The following SMURF2 variants were observed in gnomAD, a reference collection of about 807,000 sequenced individuals.
SMURF2 encodes the protein E3 ubiquitin-protein ligase SMURF2.
In SMURF2, 48 loss-of-function variants were observed where a neutral mutation model predicts 109.6. That is an observed-to-expected ratio of 0.44 (90% CI 0.35 to 0.56). The LOEUF (loss-of-function observed/expected upper bound fraction) is 0.56, where lower values mean the gene tolerates loss of function less well. SMURF2 is among the 20% of genes least tolerant of loss of function. SMURF2 has a pLI of 0.01. For synonymous variants in SMURF2, 288 were observed against 317.1 expected, an observed-to-expected ratio of 0.91 and a Z score of 0.97; for missense variants, 575 against 909.0, an observed-to-expected ratio of 0.63 and a Z score of 4.72.
Position 64,578,644 on chromosome 17 carries a change from C to T in SMURF2, c.773-68G>A, listed in dbSNP as rs1045742184. ...TCCAGATCAAAGACAGTTATATACA[C>T]TAAGATGATATACTAATAGGGAAAA... is the stretch of plus-strand genomic sequence containing the variant. On this transcript the variant is annotated intron_variant, in intron 8 of 18. Transcript: ENST00000262435. 56 of 989,748 alleles carry T rather than the reference C, an allele frequency of 5.7e-5. No individual in the cohort carries two copies. The Admixed American group carries it at 8.7e-4, about 15-fold the overall frequency. The allele number at this position is 989,748 out of a possible 1,614,324, so 61.3% of individuals were successfully genotyped here.
chr17:64,653,704 T>C (rs996102230), intron 1 of SMURF2, among the ~76,000 whole-genome samples: 12 of 152,102 alleles, frequency 7.9e-5, no homozygotes, highest in Admixed American at 5.2e-4. Context: ...CAGCAGATTT[T>C]TAAAAAGTTA....
rs574702500 is a variant in SMURF2 at position 64,657,718 on chromosome 17, CA to C, written c.52+4110del. 4.8e-3 allele frequency among the ~76,000 whole-genome samples: 594 copies of C among 123,120 alleles called. 1 individual carries two copies. Among genetic ancestry groups the C allele is most frequent in the Non-Finnish European group, 3.2e-3 (184 of 57,856 alleles). The allele number at this position is 123,120 out of a possible 152,430, so 80.8% of individuals were successfully genotyped here. A position where few individuals can be genotyped will look rare whatever the true frequency, so the allele number is the denominator to read the frequency against. ...TGGGCAACAGAATGAGATTCTGCCTCAAAAAAAAAAAAGGCTAAAATAAAAA... is the reference window on the plus strand; with the variant it reads ...TGGGCAACAGAATGAGATTCTGCCTCAAAAAAAAAAAGGCTAAAATAAAAA... On this transcript the variant is annotated intron_variant, in intron 1 of 18. Coordinates refer to ENST00000262435, the MANE Select transcript of SMURF2 (RefSeq NM_022739.4).
At chr17:64,638,541 G>C (rs1335353013) in intron 1 of SMURF2, among the ~76,000 whole-genome samples, 2 of 152,192 alleles carry the variant, frequency 1.3e-5, no homozygotes, top group Non-Finnish European at 2.9e-5. Flanking sequence ...TTTTAGCACA[G>C]GAACATCATC....
At chr17:64,620,359 C>T (rs1260780114) in intron 1 of SMURF2, among the ~76,000 whole-genome samples, 1 of 152,204 alleles carries the variant, frequency 6.6e-6, no homozygotes, top group Non-Finnish European at 1.5e-5. Context: ...CTAACTGCCA[C>T]CTAGGAAAAG....
intron 1 of SMURF2, among the ~76,000 whole-genome samples, chr17:64,633,818 T>G (rs539893048): frequency 6.7e-6 from 1 of 150,018 alleles, no homozygotes; most frequent in African/African-American, 2.4e-5. Flanking sequence ...AAAAAAATGT[T>G]GTGAAGAGTT....
At chr17:64,593,603 T>C in intron 3 of SMURF2, 30 bp from the exon 4 acceptor site, 1 of 1,480,804 alleles carries the variant, frequency 6.8e-7, no homozygotes, top group Non-Finnish European at 9.0e-7. Context: ...CATGAGTAAC[T>C]TGGTAGTTAC....
At chr17:64,625,786 G>T (rs782744546) in intron 1 of SMURF2, among the ~76,000 whole-genome samples, 2 of 152,196 alleles carry the variant, frequency 1.3e-5, no homozygotes, top group Non-Finnish European at 2.9e-5. Context: ...CTCAGCACCA[G>T]ACTTTGAAAA....
At chr17:64,566,561 G>GTTGTTTTTTTTTTTTTT (rs1969305807) in intron 10 of SMURF2, among the ~76,000 whole-genome samples, 1 of 43,784 alleles carries the variant, frequency 2.3e-5, no homozygotes, top group African/African-American at 7.5e-5. Context: ...AAGCTTTCTG[G>GTTGTTTTTTTTTTTTTT]TTTTTTTTTT....
intron 1 of SMURF2, among the ~76,000 whole-genome samples, chr17:64,607,449 C>T (rs1247194008): frequency 6.7e-6 from 1 of 150,354 alleles, no homozygotes; most frequent in Non-Finnish European, 1.5e-5. Flanking sequence ...AATATGGTGA[C>T]ACCCCGTCTC....
At chr17:64,552,767 G>A (rs113715591) in intron 15 of SMURF2, among the ~76,000 whole-genome samples, 6 of 152,176 alleles carry the variant, frequency 3.9e-5, no homozygotes, top group African/African-American at 1.4e-4. Flanking sequence ...ACAGTGGTGC[G>A]ATCTCAGCTC....
chr17:64,622,110 T>C (rs1970214346), intron 1 of SMURF2, among the ~76,000 whole-genome samples: 1 of 143,970 alleles, frequency 6.9e-6, no homozygotes, highest in Non-Finnish European at 1.6e-5. Flanking sequence ...AAAATAAAAA[T>C]AAAAAGCAGT....
At chr17:64,561,474 T>C in intron 12 of SMURF2, 26 bp downstream of exon 12, 1 of 1,485,810 alleles carries the variant, frequency 6.7e-7, no homozygotes, top group Non-Finnish European at 9.4e-7. Flanking sequence ...GATCCATATG[T>C]CATAAGCTGG....
intron 1 of SMURF2, among the ~76,000 whole-genome samples, chr17:64,639,570 C>T (rs1555692415): frequency 6.6e-6 from 1 of 151,488 alleles, no homozygotes; most frequent in Non-Finnish European, 1.5e-5. Flanking sequence ...GAGCGAGACT[C>T]TGACTCAAAA....
At chr17:64,618,039 AATT>A (rs1209845953) in intron 1 of SMURF2, among the ~76,000 whole-genome samples, 3 of 152,222 alleles carry the variant, frequency 2.0e-5, no homozygotes, top group Non-Finnish European at 4.4e-5. Flanking sequence ...TTCTAGTCAC[AATT>A]ATAATTTTTT....
intron 5 of SMURF2, among the ~76,000 whole-genome samples, chr17:64,590,228 G>C (rs1221128135): frequency 6.8e-6 from 1 of 147,148 alleles, no homozygotes; most frequent in Admixed American, 7.0e-5. Context: ...TGCAACCTTC[G>C]CCTCCTGGGT....
At chr17:64,606,667 A>G (rs1245813127) in intron 1 of SMURF2, 27 bp from the exon 2 acceptor site, 5 of 1,452,712 alleles carry the variant, frequency 3.4e-6, no homozygotes, top group Non-Finnish European at 3.7e-6. Context: ...CAAAAAATAC[A>G]TGGGAAAAAT....
At chr17:64,641,256 T>A (rs1970489200) in intron 1 of SMURF2, among the ~76,000 whole-genome samples, 1 of 152,130 alleles carries the variant, frequency 6.6e-6, no homozygotes, top group Non-Finnish European at 1.5e-5. Context: ...GTAATAAAAT[T>A]CCTGGAAATT....
intron 1 of SMURF2, among the ~76,000 whole-genome samples, chr17:64,625,650 C>T (rs138547238): frequency 6.6e-6 from 1 of 152,252 alleles, no homozygotes; most frequent in East Asian, 1.9e-4. Context: ...AACTTTAGCA[C>T]GTATCTTATC....
chr17:64,601,835 G>GGTGT (rs546731309), intron 2 of SMURF2, among the ~76,000 whole-genome samples: 1 of 148,934 alleles, frequency 6.7e-6, no homozygotes, highest in East Asian at 2.0e-4. Flanking sequence ...AAAGAAATGT[G>GGTGT]GTGTGTGTGT....
Sources: gnomAD v4.1 joint callset for allele counts (sites outside exome capture counted in the v4.1 genomes callset) on GRCh38, gnomAD v4.1.1 for gene constraint, MANE v1.5 for transcripts, NCBI Gene and HGNC (gene_info 2026-07-23, HGNC 2026-07-21) for gene names.